Variants in LRIG1 observed in about 807,000 individuals in gnomAD.
LRIG1 encodes leucine rich repeats and immunoglobulin like domains 1, also known as leucine-rich repeats and immunoglobulin-like domains protein 1.
LRIG1 carries 48 observed loss-of-function variants against 99.2 expected under a neutral mutation model. The ratio of observed to expected loss-of-function variants is 0.48; its 90% CI spans 0.38 to 0.62. LRIG1 has a LOEUF of 0.62. LRIG1 is among the 20% of genes least tolerant of loss of function. LRIG1 has a pLI of 0.00. For missense variants in LRIG1, 1,646 were observed against 1,434.4 expected (o/e 1.15, Z -2.38); for synonymous variants, 772 against 596.1 (o/e 1.29, Z -4.30).
chr3:66,424,938 T>G (rs1702930681), intron 3 of LRIG1, among the ~76,000 whole-genome samples: 1 of 152,218 alleles, frequency 6.6e-6, no homozygotes, highest in Admixed American at 6.5e-5. Flanking sequence ...CTGAGCACAT[T>G]TAAGGTAGAC....
At chr3:66,499,478 G>T (rs1701304262) in intron 1 of LRIG1, among the ~76,000 whole-genome samples, 1 of 152,142 alleles carries the variant, frequency 6.6e-6, no homozygotes, top group South Asian at 2.1e-4. Flanking sequence ...GGAAGGGTCT[G>T]GAACACAGTT....
chr3:66,391,890 TAC>T (rs1393474862), intron 12 of LRIG1, among the ~76,000 whole-genome samples: 2 of 152,254 alleles, frequency 1.3e-5, no homozygotes, highest in Non-Finnish European at 2.9e-5. Flanking sequence ...CAACCATCAC[TAC>T]AGTCAATTTT....
chr3:66,385,456 G>A (rs146479985), intron 13 of LRIG1, among the ~76,000 whole-genome samples: 1 of 94,000 alleles, frequency 1.1e-5, no homozygotes, highest in African/African-American at 3.6e-5. Context: ...TTAATAACTA[G>A]TTTTTGTTTT....
chr3:66,410,108 C>A, intron 7 of LRIG1, 21 bp downstream of exon 7: 2 of 1,599,226 alleles, frequency 1.3e-6, no homozygotes, highest in Non-Finnish European at 8.5e-7. Context: ...ACTGCCACAG[C>A]CCAGAGCCGA....
At chr3:66,461,340 A>C (rs775137989) in intron 2 of LRIG1, among the ~76,000 whole-genome samples, 35 of 152,186 alleles carry the variant, frequency 2.3e-4, no homozygotes, top group Non-Finnish European at 4.6e-4. Flanking sequence ...ACAACAAATA[A>C]GACTTTTATC....
At chr3:66,455,668 T>C (rs1475365394) in intron 2 of LRIG1, among the ~76,000 whole-genome samples, 1 of 152,224 alleles carries the variant, frequency 6.6e-6, no homozygotes, top group Non-Finnish European at 1.5e-5. Context: ...GCGTTGAAAC[T>C]GTAGTTGGTT....
intron 1 of LRIG1, among the ~76,000 whole-genome samples, chr3:66,495,337 T>C (rs924165758): frequency 1.3e-5 from 2 of 152,160 alleles, no homozygotes; most frequent in Non-Finnish European, 2.9e-5. Context: ...CTGCATCCAT[T>C]GTAAACAGCT....
At chr3:66,417,331 A>T (rs1217801642) in intron 3 of LRIG1, 65 bp from the exon 4 acceptor site, 2 of 1,520,574 alleles carry the variant, frequency 1.3e-6, no homozygotes, top group Non-Finnish European at 1.8e-6. Context: ...AGAAACTAGT[A>T]TTCCTGCACC....
chr3:66,468,313 G>A (rs1365778838), intron 1 of LRIG1, among the ~76,000 whole-genome samples: 2 of 152,152 alleles, frequency 1.3e-5, no homozygotes, highest in Non-Finnish European at 2.9e-5. Flanking sequence ...GACCACTGAC[G>A]AACACAGACA....
chr3:66,385,935 T>G (rs1367987974), intron 13 of LRIG1, 46 bp downstream of exon 13: 1 of 1,534,196 alleles, frequency 6.5e-7, no homozygotes, highest in East Asian at 2.3e-5. Context: ...ATCAGGAGTG[T>G]GCTTTGTAGG....
intron 9 of LRIG1, chr3:66,404,089 T>G: frequency 2.5e-6 from 1 of 401,462 alleles, no homozygotes; most frequent in Non-Finnish European, 4.8e-6. Flanking sequence ...GACATGCTGC[T>G]GGAGTACAGG....
At chr3:66,496,182 G>A (rs1208461225) in intron 1 of LRIG1, among the ~76,000 whole-genome samples, 1 of 152,166 alleles carries the variant, frequency 6.6e-6, no homozygotes, top group Non-Finnish European at 1.5e-5. Context: ...ATTATGCAAA[G>A]AGACAATACA....
In LRIG1 at chr3:66,380,337, G is replaced by C; in HGVS notation, c.3208C>G (p.Pro1070Ala). The change falls in exon 19 of 19, where the codon CCC becomes GCC. Residue 1070 changes from proline to alanine, a missense_variant. Pro to Ala is a conservative substitution (Grantham distance 27, BLOSUM62 -1). Coordinates refer to ENST00000273261, the MANE Select transcript of LRIG1 (RefSeq NM_015541.3). ...GHLPKACDAS[P>A]ESTPLTGQLP... ...TGTCCTGTCAGTGGCGTGGACTCGG[G>C]ACTGGCGTCACATGCTTTGGGGAGG... 1.2e-6 allele frequency: 2 copies of C among 1,614,202 alleles called. No homozygotes were observed. The highest frequency in any genetic ancestry group is 1.7e-6 in the Non-Finnish European group (2 of 1,180,034).
intron 6 of LRIG1, among the ~76,000 whole-genome samples, chr3:66,411,215 A>C (rs1469987662): frequency 6.6e-6 from 1 of 152,218 alleles, no homozygotes; most frequent in Non-Finnish European, 1.5e-5. Flanking sequence ...CCTCTTCAAC[A>C]AAAGTCCGTA....
At chr3:66,490,124 T>C (rs1233324122) in intron 1 of LRIG1, among the ~76,000 whole-genome samples, 1 of 152,198 alleles carries the variant, frequency 6.6e-6, no homozygotes, top group Non-Finnish European at 1.5e-5. Flanking sequence ...GAGTCTCTGA[T>C]TTTTCCATTG....
At chr3:66,408,560 G>A (rs554050933) in intron 7 of LRIG1, among the ~76,000 whole-genome samples, 1 of 152,290 alleles carries the variant, frequency 6.6e-6, no homozygotes, top group South Asian at 2.1e-4. Context: ...CCCCGCAGAA[G>A]ACAGCATGCC....
intron 11 of LRIG1, among the ~76,000 whole-genome samples, chr3:66,397,377 A>C (rs1182567682): frequency 6.6e-6 from 1 of 152,018 alleles, no homozygotes; most frequent in Non-Finnish European, 1.5e-5. Flanking sequence ...CTAGGAACCA[A>C]AAGTTACCCC....
At chr3:66,452,414 C>T (rs1005312469) in intron 2 of LRIG1, among the ~76,000 whole-genome samples, 1 of 152,216 alleles carries the variant, frequency 6.6e-6, no homozygotes, top group Non-Finnish European at 1.5e-5. Context: ...GGCCTCCTTA[C>T]ATGGACATGT....
In LRIG1 at chr3:66,398,092, C is replaced by G. The variant is rs377697903; in HGVS notation, c.1304+20G>C. ...AGTCTCCACTACCATTAATCAGACC[C>G]AGGGAATCCAGATACTTACAGCTCT... On this transcript the variant is annotated intron_variant, in intron 11 of 18. Coordinates refer to ENST00000273261, the MANE Select transcript of LRIG1 (RefSeq NM_015541.3). 6.3e-7 allele frequency: 1 copy of G among 1,598,308 alleles called. No individual in the cohort carries two copies. The highest frequency in any genetic ancestry group is 2.2e-5 in the East Asian group (1 of 44,782).
Sources: allele counts gnomAD v4.1 joint callset (sites outside exome capture counted in the v4.1 genomes callset), GRCh38; gene constraint gnomAD v4.1.1; transcripts MANE v1.5; gene names NCBI Gene and HGNC (gene_info 2026-07-23, HGNC 2026-07-21).